TTC7B: variants seen among roughly 807,000 people sequenced by gnomAD.
The protein encoded by TTC7B is tetratricopeptide repeat domain 7B, also known as tetratricopeptide repeat protein 7B.
TTC7B carries 28 observed loss-of-function variants against 106.8 expected under a neutral mutation model. The observed-to-expected ratio is 0.26, with a 90% confidence interval of 0.19 to 0.36. The LOEUF is 0.36. Ranked by LOEUF, TTC7B falls within the 10% of genes least tolerant of loss-of-function variation. The pLI, the probability that TTC7B is intolerant of heterozygous loss-of-function variation, is 1.00. For missense variants in TTC7B, 862 were observed against 1,076.4 expected, an observed-to-expected ratio of 0.80 and a Z score of 2.79; for synonymous variants, 405 against 430.6, an observed-to-expected ratio of 0.94 and a Z score of 0.74.
At chr14:90,564,830 G>C (rs1456911789) in intron 19 of TTC7B, among the ~76,000 whole-genome samples, 1 of 152,218 alleles carries the variant, frequency 6.6e-6, no homozygotes, top group Non-Finnish European at 1.5e-5. Flanking sequence ...AGAATCACTT[G>C]AGCCCGGGAG....
At chr14:90,766,134 CGT>C (rs1890668943) in intron 3 of TTC7B, among the ~76,000 whole-genome samples, 2 of 105,978 alleles carry the variant, frequency 1.9e-5, no homozygotes, top group Non-Finnish European at 3.7e-5. Flanking sequence ...CAGCCTACAA[CGT>C]TTTTTTTTTT....
chr14:90,669,382 AC>A (rs1308317227), intron 9 of TTC7B, among the ~76,000 whole-genome samples: 1 of 152,178 alleles, frequency 6.6e-6, no homozygotes. Context: ...AAGATTTAAA[AC>A]TTTTGCACAT....
At chr14:90,676,772 G>T in intron 8 of TTC7B, 112 bp from the exon 9 acceptor site, 1 of 1,166,688 alleles carries the variant, frequency 8.6e-7, no homozygotes. Context: ...ATGGAGACAA[G>T]GGTAGGAATG....
At chr14:90,652,487 T>A (rs1181162902) in intron 13 of TTC7B, among the ~76,000 whole-genome samples, 6 of 133,832 alleles carry the variant, frequency 4.5e-5, no homozygotes, top group African/African-American at 1.7e-4. Flanking sequence ...CATGTTTTTT[T>A]TAAAAAAAAA....
intron 5 of TTC7B, among the ~76,000 whole-genome samples, chr14:90,719,190 C>T (rs1396953461): frequency 2.0e-5 from 3 of 152,154 alleles, no homozygotes; most frequent in South Asian, 4.1e-4. Flanking sequence ...GGGAGGATTG[C>T]TTAGCCCTGG....
intron 19 of TTC7B, among the ~76,000 whole-genome samples, chr14:90,557,862 G>A (rs1335240134): frequency 6.6e-6 from 1 of 152,228 alleles, no homozygotes; most frequent in Non-Finnish European, 1.5e-5. Context: ...TCTGGAAGGC[G>A]ACTGGATTTA....
intron 4 of TTC7B, among the ~76,000 whole-genome samples, 159 bp downstream of exon 4, chr14:90,744,633 A>G (rs1595342951): frequency 6.6e-6 from 1 of 152,220 alleles, no homozygotes; most frequent in South Asian, 2.1e-4. Flanking sequence ...CATAAGCTAC[A>G]GCAATCACTA....
At chr14:90,607,265 A>G (rs1163179517) in intron 17 of TTC7B, among the ~76,000 whole-genome samples, 4 of 152,350 alleles carry the variant, frequency 2.6e-5, no homozygotes, top group Middle Eastern at 3.4e-3. Flanking sequence ...ACAGCGGGTG[A>G]TCCTGGGCCT....
chr14:90,637,978 C>T (rs1406641977), intron 15 of TTC7B, among the ~76,000 whole-genome samples: 4 of 152,044 alleles, frequency 2.6e-5, no homozygotes, highest in East Asian at 3.9e-4. Context: ...ACTTCCTGGG[C>T]TCAACTGATC....
chr14:90,587,768 G>A (rs891635976), intron 18 of TTC7B, among the ~76,000 whole-genome samples: 13 of 152,186 alleles, frequency 8.5e-5, no homozygotes, highest in African/African-American at 2.9e-4. Context: ...GATGCTGGAC[G>A]ATACTGTGTT....
At chr14:90,692,761 G>A (rs1887526382) in intron 6 of TTC7B, among the ~76,000 whole-genome samples, 1 of 152,124 alleles carries the variant, frequency 6.6e-6, no homozygotes, top group Non-Finnish European at 1.5e-5. Flanking sequence ...AAAGACAGCT[G>A]GCAACAACTT....
intron 18 of TTC7B, among the ~76,000 whole-genome samples, chr14:90,579,489 A>G (rs1318139008): frequency 6.6e-6 from 1 of 152,232 alleles, no homozygotes; most frequent in East Asian, 1.9e-4. Context: ...GAAAGTTAAA[A>G]GAACAAAAAT....
intron 1 of TTC7B, among the ~76,000 whole-genome samples, chr14:90,800,989 C>A (rs1376228080): frequency 1.3e-5 from 2 of 151,860 alleles, no homozygotes; most frequent in Non-Finnish European, 2.9e-5. Context: ...AGTTTGAGAC[C>A]AGGCTATACG....
chr14:90,591,961 G>A (rs1302743847), intron 18 of TTC7B, among the ~76,000 whole-genome samples: 3 of 152,210 alleles, frequency 2.0e-5, no homozygotes, highest in Admixed American at 6.5e-5. Flanking sequence ...GAACAACTGT[G>A]AATTCATGAA....
intron 19 of TTC7B, among the ~76,000 whole-genome samples, chr14:90,551,081 A>C (rs1890057983): frequency 6.6e-6 from 1 of 152,256 alleles, no homozygotes; most frequent in African/African-American, 2.4e-5. Context: ...CAGATCTGAC[A>C]CTGCTCTCTA....
chr14:90,604,703 G>A (rs1892568667), intron 17 of TTC7B, among the ~76,000 whole-genome samples: 1 of 152,108 alleles, frequency 6.6e-6, no homozygotes, highest in Non-Finnish European at 1.5e-5. Flanking sequence ...TTAAATAAAT[G>A]AGCAAAAGAA....
chr14:90,567,543 C>T (rs1001438304), intron 19 of TTC7B: 7 of 152,194 alleles, frequency 4.6e-5, no homozygotes, highest in South Asian at 2.1e-4. Context: ...TCTAGGGCAG[C>T]GTTAGCCCTG....
intron 9 of TTC7B, among the ~76,000 whole-genome samples, chr14:90,659,230 TGAGAGAGAGAGAGTGTGTGGA>T (rs1886084027): frequency 1.4e-5 from 2 of 146,852 alleles, no homozygotes; most frequent in African/African-American, 5.0e-5. Flanking sequence ...TGTGTGTGTG[TGAGAGAGAGAGAGTGTGTGGA>T]GTGTGTGTGT....
intron 18 of TTC7B, among the ~76,000 whole-genome samples, chr14:90,590,421 C>T (rs879384531): frequency 5.3e-5 from 8 of 152,206 alleles, no homozygotes; most frequent in Non-Finnish European, 8.8e-5. Flanking sequence ...CCATCACGAG[C>T]TCCCACTGTA....
Sources: allele counts gnomAD v4.1 joint callset (sites outside exome capture counted in the v4.1 genomes callset), GRCh38; gene constraint gnomAD v4.1.1; transcripts MANE v1.5; gene names NCBI Gene and HGNC (gene_info 2026-07-23, HGNC 2026-07-21).